DLGAP1: variants seen among roughly 807,000 people sequenced by gnomAD.
DLGAP1 encodes the protein disks large-associated protein 1.
DLGAP1 carries 11 observed loss-of-function variants against 90.8 expected under a neutral mutation model. The ratio of observed to expected loss-of-function variants is 0.12; its 90% CI spans 0.08 to 0.20. The LOEUF (loss-of-function observed/expected upper bound fraction) is 0.20, where lower values mean the gene tolerates loss of function less well. DLGAP1 is among the 10% of genes least tolerant of loss of function. The pLI is 1.00. For missense variants in DLGAP1, 1,050 were observed against 1,333.8 expected, an observed-to-expected ratio of 0.79 and a Z score of 3.31; for synonymous variants, 558 against 540.7, an observed-to-expected ratio of 1.03 and a Z score of -0.44.
intron 1 of DLGAP1, among the ~76,000 whole-genome samples, chr18:4,358,780 C>A (rs2144075546): frequency 6.6e-6 from 1 of 152,322 alleles, no homozygotes; most frequent in South Asian, 2.1e-4. Context: ...CCACAGCTTA[C>A]CTCTGTAGCA....
chr18:4,188,195 A>C (rs2144711966), intron 1 of DLGAP1, among the ~76,000 whole-genome samples: 1 of 152,210 alleles, frequency 6.6e-6, no homozygotes, highest in South Asian at 2.1e-4. Context: ...TTTCATCTTA[A>C]AACTCTGTCA....
intron 2 of DLGAP1, among the ~76,000 whole-genome samples, chr18:4,140,747 T>G (rs946961567): frequency 6.6e-6 from 1 of 152,004 alleles, no homozygotes; most frequent in Non-Finnish European, 1.5e-5. Context: ...TCCTTTGTCT[T>G]CTGTTGTTCT....
intron 9 of DLGAP1, among the ~76,000 whole-genome samples, chr18:3,558,736 C>A (rs1163534504): frequency 6.6e-6 from 1 of 152,126 alleles, no homozygotes; most frequent in African/African-American, 2.4e-5. Context: ...CATTCCTTTA[C>A]TTTTCAATCT....
intron 1 of DLGAP1, among the ~76,000 whole-genome samples, chr18:4,265,134 T>TTCCTTCCTTC (rs61084906): frequency 1.1e-4 from 16 of 140,208 alleles, no homozygotes; most frequent in African/African-American, 4.4e-4. Context: ...TTCCTTCCTT[T>TTCCTTCCTTC]CCTCCCTCCC....
chr18:4,111,466 T>G (rs544485412), intron 2 of DLGAP1, among the ~76,000 whole-genome samples: 4 of 152,310 alleles, frequency 2.6e-5, no homozygotes, highest in African/African-American at 7.2e-5. Flanking sequence ...TCTCCTCTCC[T>G]ATTATTAAGA....
chr18:4,205,835 C>A (rs1484274750), intron 1 of DLGAP1, among the ~76,000 whole-genome samples: 1 of 152,158 alleles, frequency 6.6e-6, no homozygotes, highest in African/African-American at 2.4e-5. Flanking sequence ...AAGCCACATA[C>A]AATCGCTAAT....
intron 3 of DLGAP1, among the ~76,000 whole-genome samples, chr18:3,970,583 T>G (rs2073425189): frequency 6.6e-6 from 1 of 152,140 alleles, no homozygotes; most frequent in Non-Finnish European, 1.5e-5. Flanking sequence ...GAAGTACATC[T>G]TCTAGAAAAT....
At chr18:3,583,998 C>T (rs980874268) in intron 7 of DLGAP1, among the ~76,000 whole-genome samples, 5 of 151,936 alleles carry the variant, frequency 3.3e-5, no homozygotes, top group African/African-American at 9.7e-5. Flanking sequence ...ATTTTGGACC[C>T]GTACAAGGGG....
At chr18:3,610,882 C>T (rs1419091164) in intron 7 of DLGAP1, among the ~76,000 whole-genome samples, 1 of 145,604 alleles carries the variant, frequency 6.9e-6, no homozygotes, top group African/African-American at 2.5e-5. Context: ...ACTGTATGGT[C>T]TTTTTTTTTT....
intron 1 of DLGAP1, among the ~76,000 whole-genome samples, chr18:4,228,644 T>C (rs1373519661): frequency 3.3e-5 from 5 of 151,962 alleles, no homozygotes; most frequent in Non-Finnish European, 5.9e-5. Flanking sequence ...CATTGTTTCA[T>C]GATAAAAACC....
At chr18:4,408,697 A>C (rs2082714539) in intron 1 of DLGAP1, among the ~76,000 whole-genome samples, 1 of 152,002 alleles carries the variant, frequency 6.6e-6, no homozygotes, top group Non-Finnish European at 1.5e-5. Context: ...TCTGCGAAAA[A>C]TTCAGTCTCA....
At chr18:4,435,772 TC>T (rs1185787917) in intron 1 of DLGAP1, among the ~76,000 whole-genome samples, 3 of 152,220 alleles carry the variant, frequency 2.0e-5, no homozygotes, top group African/African-American at 7.2e-5. Context: ...ATTCTTTCTT[TC>T]ACTTCCCTCT....
intron 3 of DLGAP1, among the ~76,000 whole-genome samples, chr18:3,936,139 C>T (rs1208506113): frequency 1.3e-5 from 2 of 152,178 alleles, no homozygotes; most frequent in African/African-American, 4.8e-5. Flanking sequence ...GCCACATCAG[C>T]CTCCTACTAC....
intron 2 of DLGAP1, among the ~76,000 whole-genome samples, chr18:4,041,783 A>G (rs1281698933): frequency 2.6e-5 from 4 of 152,206 alleles, no homozygotes; most frequent in African/African-American, 9.6e-5. Flanking sequence ...GATGGTGACC[A>G]ATTGCTCTTC....
chr18:4,035,266 G>A (rs2074869562), intron 2 of DLGAP1, among the ~76,000 whole-genome samples: 1 of 152,138 alleles, frequency 6.6e-6, no homozygotes, highest in South Asian at 2.1e-4. Flanking sequence ...GGGACTGCTT[G>A]AGCCTGGGAG....
In DLGAP1 at chr18:4,258,010, T is replaced by TGC. The variant is rs57523543; in HGVS notation, c.-266-106725_-266-106724dup. 9.2e-3 allele frequency among the ~76,000 whole-genome samples: 1,255 copies of TGC among 137,076 alleles called. 13 individuals are homozygous for TGC. Among genetic ancestry groups the TGC allele is most frequent in the African/African-American group, 0.018 (621 of 34,370 alleles). 89.9% of individuals were successfully genotyped at this position (137,076 alleles called of 152,430 possible). On this transcript the variant is annotated intron_variant, in intron 1 of 12. Transcript: ENST00000315677. The stretch of plus-strand genomic sequence containing the variant: ...GTGTGTGTGTGTGTGTGTGTGTGTG[T>TGC]GCGCGCGCGCGCGTATAACCTATGT...
intron 7 of DLGAP1, among the ~76,000 whole-genome samples, chr18:3,657,510 G>A (rs144946442): frequency 6.6e-6 from 1 of 151,970 alleles, no homozygotes; most frequent in Admixed American, 6.6e-5. Flanking sequence ...TTGCTGATAC[G>A]AAAGATATGT....
intron 7 of DLGAP1, among the ~76,000 whole-genome samples, chr18:3,638,028 G>C (rs1403964736): frequency 3.5e-5 from 5 of 144,886 alleles, no homozygotes; most frequent in African/African-American, 5.2e-5. Flanking sequence ...CTCACTGCAA[G>C]CTCCGCCTCC....
chr18:3,507,033 G>A (rs962360311), intron 11 of DLGAP1, among the ~76,000 whole-genome samples: 2 of 152,100 alleles, frequency 1.3e-5, no homozygotes, highest in African/African-American at 2.4e-5. Flanking sequence ...TATGGGGCAG[G>A]GGGTGGGAGG....
Sources: gnomAD v4.1 joint callset for allele counts (sites outside exome capture counted in the v4.1 genomes callset) on GRCh38, gnomAD v4.1.1 for gene constraint, MANE v1.5 for transcripts, NCBI Gene and HGNC (gene_info 2026-07-23, HGNC 2026-07-21) for gene names.